Variants in NRG1 observed in about 807,000 individuals in gnomAD.
NRG1 encodes the protein pro-neuregulin-1, membrane-bound isoform.
A neutral mutation model predicts 63.8 loss-of-function variants in NRG1; 18 were observed. The observed-to-expected ratio is 0.28, with a 90% CI of 0.19 to 0.42. The LOEUF (loss-of-function observed/expected upper bound fraction) is 0.42. Ranked by LOEUF, NRG1 falls within the 10% of genes least tolerant of loss-of-function variation. The pLI, the probability that NRG1 is intolerant of heterozygous loss-of-function variation, is 1.00. For synonymous variants in NRG1, 302 were observed against 301.3 expected (o/e 1.00, Z -0.02); for missense variants, 762 against 814.7 (o/e 0.94, Z 0.79).
At chr8:32,159,959 A>G (rs2131904493) in intron 1 of NRG1, among the ~76,000 whole-genome samples, 1 of 152,318 alleles carries the variant, frequency 6.6e-6, no homozygotes, top group Non-Finnish European at 1.5e-5. Flanking sequence ...TATTTTCTCT[A>G]TTGTCTTATT....
At chr8:32,170,650 C>T (rs1251647156) in intron 1 of NRG1, among the ~76,000 whole-genome samples, 1 of 152,152 alleles carries the variant, frequency 6.6e-6, no homozygotes, top group Non-Finnish European at 1.5e-5. Flanking sequence ...TTTCATGTAG[C>T]ATGAAATGCA....
chr8:32,312,875 T>A (rs1223538235), intron 1 of NRG1, among the ~76,000 whole-genome samples: 1 of 152,074 alleles, frequency 6.6e-6, no homozygotes. Flanking sequence ...TATATTTAGC[T>A]GGGCATAGTG....
intron 1 of NRG1, among the ~76,000 whole-genome samples, chr8:31,771,528 C>G (rs138808936): frequency 6.6e-6 from 1 of 152,206 alleles, no homozygotes; most frequent in Admixed American, 6.5e-5. Context: ...GCGTGAAGAA[C>G]AGGTTACCAG....
intron 1 of NRG1, among the ~76,000 whole-genome samples, chr8:32,142,986 A>C (rs1836447939): frequency 6.6e-6 from 1 of 152,218 alleles, no homozygotes; most frequent in African/African-American, 2.4e-5. Flanking sequence ...ACGTGAGGCA[A>C]ACCAAAGTCC....
chr8:32,215,182 A>C (rs74694432), intron 1 of NRG1, among the ~76,000 whole-genome samples: 6,435 of 152,320 alleles, frequency 0.042, 205 homozygotes, highest in Middle Eastern at 0.092. Context: ...ATTAAGAATA[A>C]ATTGTAACAT....
At chr8:32,035,441 C>T (rs900330470) in intron 1 of NRG1, among the ~76,000 whole-genome samples, 1 of 151,612 alleles carries the variant, frequency 6.6e-6, no homozygotes, top group Non-Finnish European at 1.5e-5. Context: ...AGAGTTCTAT[C>T]GATATCTATC....
intron 1 of NRG1, among the ~76,000 whole-genome samples, chr8:32,117,635 A>G (rs1298243754): frequency 6.6e-6 from 1 of 152,136 alleles, no homozygotes; most frequent in Non-Finnish European, 1.5e-5. Context: ...GTGATTCACA[A>G]TATTTGTTTT....
intron 1 of NRG1, among the ~76,000 whole-genome samples, chr8:32,376,849 T>C (rs187621281): frequency 4.6e-5 from 7 of 152,272 alleles, no homozygotes; most frequent in Non-Finnish European, 8.8e-5. Context: ...ACTCTGCCAC[T>C]TAAAACAAAA....
chr8:31,854,991 T>A (rs1827694097), intron 1 of NRG1, among the ~76,000 whole-genome samples: 1 of 152,194 alleles, frequency 6.6e-6, no homozygotes, highest in Admixed American at 6.5e-5. Context: ...TTGTTATAAT[T>A]TCTGTTCTTT....
chr8:32,616,331 A>G (rs558478001), intron 4 of NRG1, among the ~76,000 whole-genome samples: 85 of 152,010 alleles, frequency 5.6e-4, no homozygotes, highest in Non-Finnish European at 7.6e-4. Context: ...CAGACTTTGC[A>G]TGGACTTTTC....
intron 1 of NRG1, among the ~76,000 whole-genome samples, chr8:32,055,672 CT>C (rs59551293): frequency 0.76 from 104,911 of 137,380 alleles, 43,456 homozygotes; most frequent in East Asian, 0.95. Context: ...TATTTTGACA[CT>C]TTTTTTTTTT....
intron 5 of NRG1, among the ~76,000 whole-genome samples, chr8:32,715,803 C>T (rs987062087): frequency 5.3e-5 from 8 of 151,936 alleles, no homozygotes; most frequent in Non-Finnish European, 8.8e-5. Context: ...GCCACCACAC[C>T]CATCTAATTT....
chr8:32,104,031 T>C lies in NRG1; in HGVS notation c.37+464600T>C, dbSNP rs78579858. Among the ~76,000 whole-genome samples the C allele has an allele frequency of 2.6e-3, 396 of 152,338 alleles. 2 individuals carry two copies. The highest frequency in any genetic ancestry group is 9.1e-3 in the African/African-American group (377 of 41,578). On this transcript the variant is annotated intron_variant, in intron 1 of 10. Coordinates refer to the NRG1 transcript ENST00000519301. ...ACTAGACGATTCTGGATTCCAAATA[T>C]AGACATGTGGTGCTTAACGACAGGG...
At position 32,226,195 on chromosome 8, in the gene NRG1, A is replaced by G. The variant is rs562713358; in HGVS notation, c.38-369633A>G. Among the ~76,000 whole-genome samples the G allele has an allele frequency of 2.0e-5, 3 of 152,302 alleles. No homozygotes were observed. In the East Asian group the frequency reaches 5.8e-4, roughly 29 times the overall value. On this transcript the variant is annotated intron_variant, in intron 1 of 10. Transcript: ENST00000519301. ...CCATGTCCCCAAAGATTTACTAAAC[A>G]TTAGATCTGATTTGGCCAACTTTTT...
intron 1 of NRG1, among the ~76,000 whole-genome samples, chr8:31,761,341 T>C (rs1216017518): frequency 6.6e-6 from 1 of 151,992 alleles, no homozygotes; most frequent in Non-Finnish European, 1.5e-5. Context: ...TTAGGAGATA[T>C]ACCTAATGCT....
At chr8:31,823,836 A>T (rs1824241115) in intron 1 of NRG1, among the ~76,000 whole-genome samples, 1 of 152,158 alleles carries the variant, frequency 6.6e-6, no homozygotes, top group African/African-American at 2.4e-5. Context: ...TCATTATTCC[A>T]TTTCAAAATG....
chr8:32,568,009 C>T (rs955762345), intron 1 of NRG1, among the ~76,000 whole-genome samples: 2 of 152,146 alleles, frequency 1.3e-5, no homozygotes, highest in Non-Finnish European at 2.9e-5. Context: ...TGAGATTTAG[C>T]CTGATGGGAT....
intron 1 of NRG1, among the ~76,000 whole-genome samples, chr8:32,132,438 A>G (rs1425330661): frequency 1.3e-5 from 2 of 152,110 alleles, no homozygotes; most frequent in Non-Finnish European, 2.9e-5. Context: ...ATAAATGTGA[A>G]TGCAGCAAGC....
rs192978058 is a variant in NRG1 at position 32,684,686 on chromosome 8, C to G, written c.503-43263C>G. Among the ~76,000 whole-genome samples, 144 of 152,164 alleles carry G rather than the reference C, an allele frequency of 9.5e-4. No individual in the cohort carries two copies. In the South Asian group the frequency reaches 0.012, roughly 13 times the overall value. ...TTTATGGGGGAACCTTTCTACTTCT[C>G]AAATTTGAACAGACAACTTTAGTCA... is the stretch of plus-strand genomic sequence containing the variant. On this transcript the variant is annotated intron_variant, in intron 5 of 11. Coordinates refer to ENST00000356819, the Ensembl canonical transcript of NRG1.
Sources: gnomAD v4.1 joint callset for allele counts (sites outside exome capture counted in the v4.1 genomes callset) on GRCh38, gnomAD v4.1.1 for gene constraint, MANE v1.5 for transcripts, NCBI Gene and HGNC (gene_info 2026-07-23, HGNC 2026-07-21) for gene names.